GSE1: variants seen among roughly 807,000 people sequenced by gnomAD.
The protein encoded by GSE1 is Gse1 coiled-coil protein.
Under a neutral mutation model 112.6 loss-of-function variants are expected in GSE1, and 32 were observed. That is an observed-to-expected ratio of 0.28 (90% CI 0.21 to 0.38). The LOEUF (loss-of-function observed/expected upper bound fraction) is 0.38. Among genes scored for constraint, GSE1 ranks in the 10% least tolerant of loss-of-function variants. The pLI is 1.00. For synonymous variants in GSE1, 1,115 were observed against 735.6 expected (o/e 1.52, Z -8.35); for missense variants, 2,348 against 1,699.2 (o/e 1.38, Z -6.71).
intron 2 of GSE1, among the ~76,000 whole-genome samples, chr16:85,400,357 C>T (rs2151668717): frequency 6.7e-6 from 1 of 148,168 alleles, no homozygotes; most frequent in East Asian, 2.0e-4. Context: ...TTTCTGTGTA[C>T]TGTGTGTGCT....
At chr16:85,555,822 C>T (rs58167246), upstream of GSE1, 2 of 919,536 alleles carry the variant, frequency 2.2e-6, no homozygotes, top group East Asian at 2.4e-4. Context: ...TTTCTTTCCC[C>T]CCTCTCTCTT....
At chr16:85,593,560 G>GA (rs1488108956) in intron 1 of GSE1, 1 of 151,912 alleles carries the variant, frequency 6.6e-6, no homozygotes, top group African/African-American at 2.4e-5. Context: ...TCCACGTCCT[G>GA]ACCCCCTGGC....
chr16:85,644,795 T>G (rs2151841869), intron 2 of GSE1, among the ~76,000 whole-genome samples: 1 of 151,822 alleles, frequency 6.6e-6, no homozygotes, highest in East Asian at 1.9e-4. Context: ...TTACGCGGGA[T>G]GGAATCATAG....
At chr16:85,374,779 C>G (rs1396614894) in intron 2 of GSE1, among the ~76,000 whole-genome samples, 2 of 152,122 alleles carry the variant, frequency 1.3e-5, no homozygotes, top group Non-Finnish European at 2.9e-5. Flanking sequence ...GTTTCGGGAC[C>G]CTCGCCAACC....
chr16:85,215,115 C>T (rs1053093521), intron 1 of GSE1, among the ~76,000 whole-genome samples: 2 of 152,102 alleles, frequency 1.3e-5, no homozygotes, highest in African/African-American at 4.8e-5. Context: ...GGGATTGTGG[C>T]CAGAAGTTAA....
At chr16:85,243,421 G>C (rs1905318683) in intron 1 of GSE1, among the ~76,000 whole-genome samples, 1 of 152,260 alleles carries the variant, frequency 6.6e-6, no homozygotes, top group African/African-American at 2.4e-5. Flanking sequence ...TTTGCTCACA[G>C]TTTTGCTGCT....
chr16:85,221,214 G>A lies in GSE1; in HGVS notation c.2283+49407G>A, dbSNP rs537503834. ...TGCAGCTGTCCCTCCCGTGCTGGGC[G>A]GGCGGGGGGCCGGGCTGTGCGAGGA... is the stretch of plus-strand genomic sequence containing the variant. On this transcript the variant is annotated intron_variant, in intron 1 of 2. Coordinates refer to the GSE1 transcript ENST00000637419. Among the ~76,000 whole-genome samples the A allele has an allele frequency of 5.3e-5, 8 of 152,088 alleles. No homozygotes were observed. In the East Asian group the frequency reaches 1.2e-3, roughly 22 times the overall value.
At chr16:85,580,449 C>T (rs1003987718) in intron 1 of GSE1, among the ~76,000 whole-genome samples, 1 of 152,178 alleles carries the variant, frequency 6.6e-6, no homozygotes, top group African/African-American at 2.4e-5. Context: ...TCTCTGCCTC[C>T]CCACTGAACT....
At chr16:85,283,890 C>T (rs149423307) in intron 1 of GSE1, among the ~76,000 whole-genome samples, 56 of 152,278 alleles carry the variant, frequency 3.7e-4, no homozygotes, top group African/African-American at 1.3e-3. Context: ...AATCTCAGGC[C>T]GTCTGGCTCC....
chr16:85,643,791 C>A (rs1438410056), intron 2 of GSE1, among the ~76,000 whole-genome samples: 1 of 152,136 alleles, frequency 6.6e-6, no homozygotes, highest in Non-Finnish European at 1.5e-5. Flanking sequence ...ACTGTCCGGT[C>A]CCCAGGGAGG....
At chr16:85,361,178 A>G (rs1028592865) in intron 2 of GSE1, among the ~76,000 whole-genome samples, 3 of 130,564 alleles carry the variant, frequency 2.3e-5, no homozygotes, top group Non-Finnish European at 4.8e-5. Flanking sequence ...AGAGACACAC[A>G]TAGACAGGCA....
At chr16:85,381,266 G>A (rs925335581) in intron 2 of GSE1, among the ~76,000 whole-genome samples, 1 of 152,198 alleles carries the variant, frequency 6.6e-6, no homozygotes, top group South Asian at 2.1e-4. Context: ...GTTCATCCAC[G>A]TTGCGGCCCG....
intron 2 of GSE1, among the ~76,000 whole-genome samples, chr16:85,361,156 A>G (rs1471561562): frequency 2.3e-5 from 3 of 131,948 alleles, no homozygotes; most frequent in South Asian, 6.1e-4. Context: ...ACACACAGAC[A>G]CACACAGGGG....
At position 85,449,878 on chromosome 16, in the gene GSE1, A is replaced by G. The variant is rs543845522; in HGVS notation, c.2464+92235A>G. On this transcript the variant is annotated intron_variant, in intron 2 of 2. Transcript: ENST00000637419. ...TCATCATTTCCCTGGTGGGGAATAA[A>G]ACACAGAAAGTTGTGCTGTGCCTCT... Among the ~76,000 whole-genome samples, 3 of 152,322 alleles carry G rather than the reference A, an allele frequency of 2.0e-5. No individual in the cohort carries two copies. The East Asian group carries it at 5.8e-4, about 29-fold the overall frequency.
At chr16:85,591,507 C>T (rs998681854) in intron 1 of GSE1, among the ~76,000 whole-genome samples, 1 of 152,236 alleles carries the variant, frequency 6.6e-6, no homozygotes, top group African/African-American at 2.4e-5. Context: ...ACCTTTTGCT[C>T]CTCACAGCCT....
At chr16:85,573,272 C>T (rs749295271) in intron 1 of GSE1, among the ~76,000 whole-genome samples, 15 of 152,280 alleles carry the variant, frequency 9.9e-5, no homozygotes, top group Admixed American at 2.0e-4. Context: ...ACTACGGGTG[C>T]GCTGCACTGT....
intron 1 of GSE1, among the ~76,000 whole-genome samples, chr16:85,289,585 C>T (rs1404358467): frequency 6.6e-6 from 1 of 152,192 alleles, no homozygotes; most frequent in Non-Finnish European, 1.5e-5. Context: ...TGTGCTGGGC[C>T]ACAGACCACA....
chr16:85,260,934 T>G (rs1907622700), intron 1 of GSE1, among the ~76,000 whole-genome samples: 1 of 152,222 alleles, frequency 6.6e-6, no homozygotes, highest in South Asian at 2.1e-4. Context: ...TACCCTGGCC[T>G]AGCTGCAGGG....
At chr16:85,341,409 G>A (rs1445943280) in intron 1 of GSE1, among the ~76,000 whole-genome samples, 1 of 152,194 alleles carries the variant, frequency 6.6e-6, no homozygotes, top group East Asian at 1.9e-4. Context: ...TATAATCCCA[G>A]TACTTTGGGA....
Sources: gnomAD v4.1 joint callset for allele counts (sites outside exome capture counted in the v4.1 genomes callset) on GRCh38, gnomAD v4.1.1 for gene constraint, MANE v1.5 for transcripts, NCBI Gene and HGNC (gene_info 2026-07-23, HGNC 2026-07-21) for gene names.